ROBO1: variants seen among roughly 807,000 people sequenced by gnomAD.
ROBO1 encodes roundabout guidance receptor 1, also known as roundabout homolog 1.
Under a neutral mutation model 195.9 loss-of-function variants are expected in ROBO1, and 149 were observed. The ratio of observed to expected loss-of-function variants is 0.76; its 90% CI spans 0.67 to 0.87. The LOEUF is 0.87. Ranked by LOEUF, ROBO1 falls within the 40% of genes least tolerant of loss-of-function variation. The pLI is 0.00. For synonymous variants in ROBO1, 816 were observed against 733.2 expected (o/e 1.11, Z -1.82); for missense variants, 1,933 against 2,068.3 (o/e 0.93, Z 1.27).
intron 10 of ROBO1, among the ~76,000 whole-genome samples, chr3:78,676,790 G>C (rs1016444970): frequency 2.6e-5 from 4 of 152,154 alleles, no homozygotes; most frequent in Admixed American, 6.5e-5. Flanking sequence ...ATCTGGCATG[G>C]CAGGCCAACA....
At chr3:79,355,774 G>A (rs1559841203) in intron 2 of ROBO1, among the ~76,000 whole-genome samples, 4 of 152,026 alleles carry the variant, frequency 2.6e-5, no homozygotes, top group African/African-American at 9.7e-5. Context: ...GTTCCATTAT[G>A]TATATATACA....
In ROBO1 at chr3:79,440,876, C is replaced by T. The variant is rs79435115; in HGVS notation, c.88+148948G>A. 5.3e-5 allele frequency among the ~76,000 whole-genome samples: 8 copies of T among 152,088 alleles called. No individual in the cohort carries two copies. The East Asian group carries it at 1.5e-3, about 29-fold the overall frequency. On this transcript the variant is annotated intron_variant, in intron 2 of 30. Transcript: ENST00000464233. Reference sequence around the variant, plus strand: ...GGAGTCATGCGGAGGGCTTCGGATGCCATCAAATGGATTCAGATCTCTATT... The same window carrying T: ...GGAGTCATGCGGAGGGCTTCGGATGTCATCAAATGGATTCAGATCTCTATT...
At chr3:79,183,141 GC>G (rs2081377184) in intron 2 of ROBO1, among the ~76,000 whole-genome samples, 1 of 148,720 alleles carries the variant, frequency 6.7e-6, no homozygotes, top group African/African-American at 2.5e-5. Flanking sequence ...ATTGCTTTTT[GC>G]TTTTTAATTT....
At chr3:79,700,821 G>A (rs1367993020) in intron 1 of ROBO1, among the ~76,000 whole-genome samples, 1 of 151,732 alleles carries the variant, frequency 6.6e-6, no homozygotes, top group African/African-American at 2.4e-5. Flanking sequence ...TCTGTGGGTT[G>A]TCCGTTAATG....
chr3:79,217,145 T>C (rs1364969940), intron 2 of ROBO1, among the ~76,000 whole-genome samples: 2 of 152,128 alleles, frequency 1.3e-5, no homozygotes, highest in African/African-American at 4.8e-5. Flanking sequence ...TGTTTATTGC[T>C]TTTCAGCAAC....
chr3:79,370,928 C>CATGTG (rs2036170383), intron 2 of ROBO1, among the ~76,000 whole-genome samples: 1 of 151,726 alleles, frequency 6.6e-6, no homozygotes, highest in Admixed American at 6.6e-5. Flanking sequence ...TGAGTGAGAA[C>CATGTG]ATGTGGTGTT....
chr3:79,099,548 A>T (rs960430012), intron 3 of ROBO1, among the ~76,000 whole-genome samples: 1 of 151,722 alleles, frequency 6.6e-6, no homozygotes, highest in Non-Finnish European at 1.5e-5. Flanking sequence ...AAAATGTGTG[A>T]TCAAATTTTT....
chr3:79,647,314 T>C (rs1188416872), intron 1 of ROBO1, among the ~76,000 whole-genome samples: 2 of 152,128 alleles, frequency 1.3e-5, no homozygotes, highest in Non-Finnish European at 2.9e-5. Flanking sequence ...AATTTCCCTC[T>C]ACAATTATTA....
At chr3:78,660,590 C>A (rs1707332279) in intron 16 of ROBO1, 1 of 157,208 alleles carries the variant, frequency 6.4e-6, no homozygotes, top group Non-Finnish European at 1.4e-5. Flanking sequence ...TTGTCTAGAA[C>A]TGAGGTGTTT....
intron 1 of ROBO1, among the ~76,000 whole-genome samples, chr3:79,681,254 A>G (rs967524705): frequency 6.6e-6 from 1 of 152,000 alleles, no homozygotes; most frequent in Non-Finnish European, 1.5e-5. Flanking sequence ...AAAATTCCAA[A>G]GAATGGAATG....
chr3:79,054,772 A>G (rs371362212), intron 3 of ROBO1, among the ~76,000 whole-genome samples: 1 of 152,132 alleles, frequency 6.6e-6, no homozygotes, highest in African/African-American at 2.4e-5. Flanking sequence ...TAAGTATGAT[A>G]TAGATGGAAT....
At chr3:79,656,761 G>C (rs1459341891) in intron 1 of ROBO1, among the ~76,000 whole-genome samples, 1 of 151,998 alleles carries the variant, frequency 6.6e-6, no homozygotes, top group African/African-American at 2.4e-5. Flanking sequence ...GCTGAGCATG[G>C]TGGCACATGC....
chr3:78,698,054 C>T (rs1344324811), intron 8 of ROBO1, among the ~76,000 whole-genome samples: 1 of 152,096 alleles, frequency 6.6e-6, no homozygotes, highest in Admixed American at 6.6e-5. Flanking sequence ...TTTCCCCATT[C>T]TCATCTACAG....
At chr3:78,924,358 T>A (rs2039098151) in intron 4 of ROBO1, among the ~76,000 whole-genome samples, 1 of 135,632 alleles carries the variant, frequency 7.4e-6, no homozygotes, top group Non-Finnish European at 1.7e-5. Context: ...ATAAGAAAAA[T>A]AATCTATAAT....
At chr3:78,749,240 C>T (rs1379483451) in intron 4 of ROBO1, among the ~76,000 whole-genome samples, 1 of 152,058 alleles carries the variant, frequency 6.6e-6, no homozygotes, top group African/African-American at 2.4e-5. Flanking sequence ...CACAATTTTT[C>T]TCTGTGGCAA....
intron 2 of ROBO1, among the ~76,000 whole-genome samples, chr3:79,394,299 G>C (rs987261995): frequency 3.3e-5 from 5 of 152,066 alleles, no homozygotes; most frequent in Non-Finnish European, 7.4e-5. Context: ...AAGATCAATT[G>C]ATTTTTACTG....
intron 1 of ROBO1, among the ~76,000 whole-genome samples, chr3:79,590,654 T>C (rs529400128): frequency 1.2e-4 from 18 of 151,908 alleles, no homozygotes; most frequent in Admixed American, 3.3e-4. Context: ...CAAGCTTATA[T>C]GGAAGAAGTG....
At chr3:78,653,200 T>G (rs1312081509) in intron 18 of ROBO1, among the ~76,000 whole-genome samples, 1 of 152,020 alleles carries the variant, frequency 6.6e-6, no homozygotes, top group Non-Finnish European at 1.5e-5. Context: ...CCTTGACAAT[T>G]TCCAGTTCCC....
chr3:79,137,620 C>G (rs567288539), intron 2 of ROBO1, among the ~76,000 whole-genome samples: 1 of 152,138 alleles, frequency 6.6e-6, no homozygotes, highest in East Asian at 1.9e-4. Context: ...CTATCATGAT[C>G]CTAGCCATCA....
Sources: allele counts gnomAD v4.1 joint callset (sites outside exome capture counted in the v4.1 genomes callset), GRCh38; gene constraint gnomAD v4.1.1; transcripts MANE v1.5; gene names NCBI Gene and HGNC (gene_info 2026-07-23, HGNC 2026-07-21).